VAV3: variants seen among roughly 807,000 people sequenced by gnomAD.
VAV3 encodes the protein vav guanine nucleotide exchange factor 3.
A neutral mutation model predicts 131.2 loss-of-function variants in VAV3; 94 were observed. The ratio of observed to expected loss-of-function variants is 0.72; its 90% CI spans 0.61 to 0.85. The LOEUF (loss-of-function observed/expected upper bound fraction) is 0.85, where lower values mean the gene tolerates loss of function less well. VAV3 is among the 40% of genes least tolerant of loss of function. The probability of loss-of-function intolerance (pLI) is 0.00; values close to 1 mark genes in which losing one functional copy is unlikely to be tolerated. For missense variants in VAV3, 939 were observed against 1,002.7 expected (o/e 0.94, Z 0.86); for synonymous variants, 349 against 342.0 (o/e 1.02, Z -0.22).
At chr1:107,888,128 C>T (rs2101052180) in intron 1 of VAV3, among the ~76,000 whole-genome samples, 2 of 152,220 alleles carry the variant, frequency 1.3e-5, no homozygotes, top group South Asian at 4.1e-4. Flanking sequence ...ATTATTCTTA[C>T]TGGCATAATA....
At chr1:107,883,623 A>G (rs1448617817) in intron 1 of VAV3, among the ~76,000 whole-genome samples, 1 of 152,154 alleles carries the variant, frequency 6.6e-6, no homozygotes, top group Non-Finnish European at 1.5e-5. Context: ...ATATCAATAA[A>G]GATTTTAAAT....
At chr1:107,788,100 C>T (rs1036288679) in intron 2 of VAV3, among the ~76,000 whole-genome samples, 10 of 152,282 alleles carry the variant, frequency 6.6e-5, no homozygotes, top group African/African-American at 1.9e-4. Flanking sequence ...TGCTATGTCT[C>T]GGCCCTCTCT....
At chr1:107,818,576 T>C (rs938251875) in intron 2 of VAV3, among the ~76,000 whole-genome samples, 2 of 152,170 alleles carry the variant, frequency 1.3e-5, no homozygotes, top group African/African-American at 2.4e-5. Context: ...ACTAAAGGTA[T>C]ACATACCCCC....
At chr1:107,694,777 C>T (rs1159248287) in intron 17 of VAV3, among the ~76,000 whole-genome samples, 1 of 152,186 alleles carries the variant, frequency 6.6e-6, no homozygotes, top group Admixed American at 6.5e-5. Context: ...TTGATCCATT[C>T]ACTCACTCCA....
chr1:107,767,788 AC>A (rs1226109800), intron 7 of VAV3, among the ~76,000 whole-genome samples: 4 of 152,176 alleles, frequency 2.6e-5, no homozygotes, highest in Non-Finnish European at 5.9e-5. Context: ...GCATTACCTC[AC>A]TTGGCATGAC....
At chr1:107,797,089 A>T (rs1413511842) in intron 2 of VAV3, among the ~76,000 whole-genome samples, 4 of 152,178 alleles carry the variant, frequency 2.6e-5, no homozygotes, top group African/African-American at 9.6e-5. Context: ...ATTATCAGCT[A>T]CCATTTTTCA....
chr1:107,956,749 G>C lies in VAV3; in HGVS notation c.204+7917C>G, dbSNP rs532795705. 5.9e-5 allele frequency among the ~76,000 whole-genome samples: 9 copies of C among 152,238 alleles called. No individual in the cohort carries two copies. The South Asian group carries it at 1.9e-3, about 32-fold the overall frequency. ...GGCCCAAGGTGCCCACTTGAGGTTAGGGATCATGAACTTAAAGTGAGAGCA... is the reference window on the plus strand; with the variant it reads ...GGCCCAAGGTGCCCACTTGAGGTTACGGATCATGAACTTAAAGTGAGAGCA... On this transcript the variant is annotated intron_variant, in intron 1 of 26. Coordinates refer to ENST00000370056, the MANE Select transcript of VAV3 (RefSeq NM_006113.5).
At chr1:107,913,879 A>G (rs566878587) in intron 1 of VAV3, among the ~76,000 whole-genome samples, 1 of 152,248 alleles carries the variant, frequency 6.6e-6, no homozygotes, top group East Asian at 1.9e-4. Context: ...CACTGCAACC[A>G]TCGCCTTCAG....
chr1:107,944,945 A>G (rs138992974), intron 1 of VAV3, among the ~76,000 whole-genome samples: 2,669 of 152,294 alleles, frequency 0.018, 39 homozygotes, highest in Admixed American at 0.03. Flanking sequence ...TAAGAGTGTA[A>G]TATGAAATAG....
intron 1 of VAV3, among the ~76,000 whole-genome samples, chr1:107,902,066 A>C (rs962628655): frequency 6.6e-6 from 1 of 151,980 alleles, no homozygotes. Context: ...AAAAAAAACA[A>C]CAACAAAAAC....
At chr1:107,694,417 C>A (rs1659624367) in intron 17 of VAV3, among the ~76,000 whole-genome samples, 1 of 152,150 alleles carries the variant, frequency 6.6e-6, no homozygotes, top group African/African-American at 2.4e-5. Flanking sequence ...ATCAAGCATT[C>A]TGTGAATTGC....
chr1:107,869,050 A>G (rs1435144645), intron 2 of VAV3, among the ~76,000 whole-genome samples: 1 of 151,954 alleles, frequency 6.6e-6, no homozygotes, highest in African/African-American at 2.4e-5. Flanking sequence ...GTAGACTCAC[A>G]TCTACACTCT....
chr1:107,846,474 T>G (rs1383589746), intron 2 of VAV3, among the ~76,000 whole-genome samples: 1 of 152,130 alleles, frequency 6.6e-6, no homozygotes. Context: ...GACTGGCAAA[T>G]TGGATAAAGA....
At chr1:107,689,949 A>G (rs947815326) in intron 17 of VAV3, among the ~76,000 whole-genome samples, 2 of 152,112 alleles carry the variant, frequency 1.3e-5, no homozygotes, top group African/African-American at 4.8e-5. Context: ...GAATATCCCT[A>G]TTCCCCTACT....
intron 15 of VAV3, among the ~76,000 whole-genome samples, chr1:107,746,882 CT>C (rs11313509): frequency 0.64 from 92,619 of 145,326 alleles, 29,569 homozygotes; most frequent in East Asian, 0.94. Context: ...TGTCAAATCT[CT>C]TTTTTTTTTT....
chr1:107,908,724 A>G (rs1288295027), intron 1 of VAV3, among the ~76,000 whole-genome samples: 2 of 152,064 alleles, frequency 1.3e-5, no homozygotes, highest in Non-Finnish European at 2.9e-5. Flanking sequence ...ATGTAACAAC[A>G]GGGGTAAGAT....
chr1:107,670,960 C>T (rs1269061293), intron 19 of VAV3, among the ~76,000 whole-genome samples: 2 of 152,138 alleles, frequency 1.3e-5, no homozygotes, highest in Non-Finnish European at 2.9e-5. Context: ...TTCTTGGATA[C>T]TGCTTGAATT....
intron 1 of VAV3, among the ~76,000 whole-genome samples, chr1:107,880,758 T>G (rs1350529806): frequency 6.6e-6 from 1 of 150,458 alleles, no homozygotes; most frequent in African/African-American, 2.5e-5. Context: ...ATCACCCCAC[T>G]GTACTCCAGC....
chr1:107,688,622 T>G lies in VAV3; in HGVS notation c.1706-216A>C, dbSNP rs1220314935. ...TTGTCAGGAAAGTGACTCACAGTTT[T>G]AAATGACTTCTAGGTTATGCTTAAC... On this transcript the variant is annotated intron_variant, in intron 17 of 26. Transcript: ENST00000370056. 1.4e-5 allele frequency: 18 copies of G among 1,267,126 alleles called. No individual in the cohort carries two copies. The Admixed American group carries it at 5.6e-4, about 39-fold the overall frequency. The allele number at this position is 1,267,126 out of a possible 1,614,324, so 78.5% of individuals were successfully genotyped here.
Sources: gnomAD v4.1 joint callset for allele counts (sites outside exome capture counted in the v4.1 genomes callset) on GRCh38, gnomAD v4.1.1 for gene constraint, MANE v1.5 for transcripts, NCBI Gene and HGNC (gene_info 2026-07-23, HGNC 2026-07-21) for gene names.